The following RREB1 variants were observed in gnomAD, a reference collection of about 807,000 sequenced individuals.
RREB1 encodes ras responsive element binding protein 1.
RREB1 carries 27 observed loss-of-function variants against 117.8 expected under a neutral mutation model. The ratio of observed to expected loss-of-function variants is 0.23; its 90% CI spans 0.17 to 0.32. RREB1 has a LOEUF of 0.32. RREB1 is among the 10% of genes least tolerant of loss of function. The pLI is 1.00. For synonymous variants in RREB1, 1,298 were observed against 1,026.7 expected (o/e 1.26, Z -5.05); for missense variants, 2,577 against 2,378.2 (o/e 1.08, Z -1.74).
chr6:7,218,345 C>T (rs748936127), intron 8 of RREB1: 3 of 152,200 alleles, frequency 2.0e-5, no homozygotes, highest in Non-Finnish European at 4.4e-5. Flanking sequence ...CATCTCTGGG[C>T]CACTCTGTTA....
intron 5 of RREB1, 149 bp from the exon 6 acceptor site, chr6:7,189,010 C>A: frequency 1.5e-6 from 1 of 671,650 alleles, no homozygotes; most frequent in South Asian, 2.2e-5. Flanking sequence ...TACATTTTAC[C>A]CCTTCAGAAA....
intron 1 of RREB1, among the ~76,000 whole-genome samples, chr6:7,142,256 G>A (rs1762635630): frequency 6.6e-6 from 1 of 151,854 alleles, no homozygotes; most frequent in African/African-American, 2.4e-5. Flanking sequence ...GAGAATGGAG[G>A]TGGAGGACCA....
At chr6:7,171,863 C>T (rs1764227410) in intron 1 of RREB1, among the ~76,000 whole-genome samples, 2 of 151,700 alleles carry the variant, frequency 1.3e-5, no homozygotes, top group African/African-American at 4.8e-5. Context: ...ACCAAGGGGA[C>T]TGGTGTGCGA....
At chr6:7,141,617 G>T (rs994855628) in intron 1 of RREB1, among the ~76,000 whole-genome samples, 2 of 152,172 alleles carry the variant, frequency 1.3e-5, no homozygotes, top group South Asian at 4.1e-4. Context: ...TGGCTTCCCC[G>T]ATGGCTATTT....
At position 7,111,088 on chromosome 6, in the gene RREB1, C is replaced by T. The variant is rs561452469; in HGVS notation, c.-285+3028C>T. Among the ~76,000 whole-genome samples the T allele has an allele frequency of 5.3e-5, 8 of 152,334 alleles. No homozygotes were observed. The East Asian group carries it at 9.6e-4, about 18-fold the overall frequency. ...CTCCCAAGGCCTTATTTGTATCCAA[C>T]ACAGGTACAGCGTGTTGAAGGAAGA... On this transcript the variant is annotated intron_variant, in intron 1 of 12. Coordinates refer to ENST00000379938, the MANE Select transcript of RREB1 (RefSeq NM_001003699.4).
chr6:7,221,310 A>G (rs937622857), intron 8 of RREB1, among the ~76,000 whole-genome samples: 3 of 151,742 alleles, frequency 2.0e-5, no homozygotes, highest in East Asian at 3.9e-4. Flanking sequence ...CTGGGACTAC[A>G]GGCGCCCGCC....
At chr6:7,142,170 G>A (rs1328351013) in intron 1 of RREB1, among the ~76,000 whole-genome samples, 2 of 151,644 alleles carry the variant, frequency 1.3e-5, no homozygotes, top group East Asian at 3.9e-4. Flanking sequence ...AGCCGAGATC[G>A]CGCCACCGCA....
intron 1 of RREB1, among the ~76,000 whole-genome samples, chr6:7,115,679 C>T (rs1335008012): frequency 6.6e-6 from 1 of 152,026 alleles, no homozygotes; most frequent in Non-Finnish European, 1.5e-5. Flanking sequence ...CGTTCTGGTG[C>T]TTTTCTGTCT....
In RREB1 at chr6:7,231,598, A is replaced by AGCG. The variant is rs1561799328; in HGVS notation, c.3504_3506dup (p.Gly1169dup). ...GATGAGGAGCCGACCCCGCGCCAAC[A>AGCG]GCGGCGGGGTGGACCTGGACTCCAG... On this transcript the variant is annotated inframe_insertion, in exon 10 of 13. Coordinates refer to ENST00000379938, the MANE Select transcript of RREB1 (RefSeq NM_001003699.4). 7 of 1,611,650 alleles carry AGCG rather than the reference A, an allele frequency of 4.3e-6. No individual in the cohort carries two copies. The highest frequency in any genetic ancestry group is 5.9e-6 in the Non-Finnish European group (7 of 1,179,384).
chr6:7,214,016 G>T (rs1179553599), intron 8 of RREB1: 2 of 152,380 alleles, frequency 1.3e-5, no homozygotes, highest in African/African-American at 4.8e-5. Flanking sequence ...TGCTGACCTG[G>T]GTGAGGGACG....
At chr6:7,235,627 G>A (rs566359410) in intron 10 of RREB1, among the ~76,000 whole-genome samples, 1 of 152,324 alleles carries the variant, frequency 6.6e-6, no homozygotes, top group East Asian at 1.9e-4. Context: ...TGAGTACAGT[G>A]TTAAAATCTA....
At chr6:7,233,423 T>C (rs764803715) in intron 10 of RREB1, among the ~76,000 whole-genome samples, 2 of 152,246 alleles carry the variant, frequency 1.3e-5, no homozygotes, top group African/African-American at 2.4e-5. Flanking sequence ...CCTATCTTTT[T>C]GGAGTTTACA....
chr6:7,230,632 G>A lies in RREB1; in HGVS notation c.2533G>A (p.Gly845Arg), dbSNP rs569389067. Residue 845 changes from glycine (G) to arginine (R), a missense_variant, in exon 10 of 13, where the codon GGG becomes AGG. Gly to Arg is a moderately radical substitution (Grantham distance 125, BLOSUM62 -2). Coordinates refer to ENST00000379938, the MANE Select transcript of RREB1 (RefSeq NM_001003699.4). Reference protein sequence around the residue: ...EAPAAEASGRGEDSGCAALGD... With the variant: ...EAPAAEASGRREDSGCAALGD... ...GCCGGCCGCTGAGGCGTCGGGGCGC[G>A]GGGAGGACAGTGGCTGCGCTGCCCT... The A allele has an allele frequency of 2.9e-5, 46 of 1,603,842 alleles. No homozygotes were observed. The highest frequency in any genetic ancestry group is 3.6e-5 in the Non-Finnish European group (42 of 1,175,692).
chr6:7,171,532 C>T (rs1297929520), intron 1 of RREB1, among the ~76,000 whole-genome samples: 2 of 152,214 alleles, frequency 1.3e-5, no homozygotes, highest in African/African-American at 4.8e-5. Flanking sequence ...TGCTCTACCA[C>T]GCAGCAGCTC....
intron 1 of RREB1, among the ~76,000 whole-genome samples, chr6:7,111,239 C>T (rs533708310): frequency 5.9e-5 from 9 of 152,150 alleles, no homozygotes; most frequent in African/African-American, 1.9e-4. Context: ...TGAACTGTTG[C>T]GTTATTCCAC....
rs1456606369 is a variant in RREB1 at position 7,246,541 on chromosome 6, C to T, written c.4091C>T (p.Ala1364Val). 14 of 1,547,488 alleles carry T rather than the reference C, an allele frequency of 9.0e-6. No individual in the cohort carries two copies. The African/African-American group carries it at 9.6e-5, about 11-fold the overall frequency. ...ATELRQVAGD[A>V]PVEQATAETA... The stretch of plus-strand genomic sequence containing the variant: ...GAGCTCCGCCAGGTCGCAGGGGATG[C>T]GCCTGTGGAGCAGGCCACGGCGGAA... The change falls in exon 12 of 13, where the codon GCG (alanine) becomes GTG (valine). Residue 1364 changes from alanine (A) to valine (V), a missense_variant. Transcript: ENST00000379938.
At chr6:7,187,670 T>C (rs1175100266) in intron 5 of RREB1, 147 bp downstream of exon 5, 1 of 351,584 alleles carries the variant, frequency 2.8e-6, no homozygotes, top group East Asian at 4.7e-5. Context: ...TTGAGATAAC[T>C]CAGTACCTTC....
intron 1 of RREB1, among the ~76,000 whole-genome samples, chr6:7,176,041 A>C (rs1561761814): frequency 6.6e-6 from 1 of 152,160 alleles, no homozygotes; most frequent in Non-Finnish European, 1.5e-5. Flanking sequence ...CCTCAGCTCC[A>C]GAGTAGCTGG....
Position 7,210,686 on chromosome 6 carries a change from C to A in RREB1, c.426-118C>A, listed in dbSNP as rs376669902. Reference sequence around the variant, plus strand: ...GATAGAAGTCACTGTATAAATTATACCTCATATCTCTTAACTAAAGAAAAT... The same window carrying A: ...GATAGAAGTCACTGTATAAATTATAACTCATATCTCTTAACTAAAGAAAAT... On this transcript the variant is annotated intron_variant, in intron 6 of 12. Transcript: ENST00000379938. The A allele has an allele frequency of 1.8e-5, 14 of 775,472 alleles. 1 individual carries two copies. The highest frequency in any genetic ancestry group is 7.0e-5 in the African/African-American group (4 of 57,256). The allele number at this position is 775,472 out of a possible 1,614,324, so 48.0% of individuals were successfully genotyped here.
Sources: allele counts gnomAD v4.1 joint callset (sites outside exome capture counted in the v4.1 genomes callset), GRCh38; gene constraint gnomAD v4.1.1; transcripts MANE v1.5; gene names NCBI Gene and HGNC (gene_info 2026-07-23, HGNC 2026-07-21).